Variants in VPS35L observed in about 807,000 individuals in gnomAD.
The protein encoded by VPS35L is VPS35 endosomal protein-sorting factor-like.
VPS35L carries 83 observed loss-of-function variants against 133.0 expected under a neutral mutation model. That is an observed-to-expected ratio of 0.62 (90% confidence interval 0.52 to 0.75). The LOEUF is 0.75. Among genes scored for constraint, VPS35L ranks in the 30% least tolerant of loss-of-function variants. The pLI is 0.00. For missense variants in VPS35L, 1,083 were observed against 1,206.8 expected (o/e 0.90, Z 1.52); for synonymous variants, 423 against 449.9 (o/e 0.94, Z 0.76).
At chr16:19,642,266 C>A in intron 21 of VPS35L, 130 bp from the exon 22 acceptor site, 1 of 694,258 alleles carries the variant, frequency 1.4e-6, no homozygotes. Context: ...TACTGGTAAA[C>A]TGGGCTGGGT....
intron 5 of VPS35L, chr16:19,578,732 T>C: frequency 2.8e-6 from 1 of 353,358 alleles, no homozygotes; most frequent in Non-Finnish European, 5.3e-6. Context: ...AGATGACGGA[T>C]TTTTGGCATC....
chr16:19,675,355 T>C (rs980180180), intron 27 of VPS35L, among the ~76,000 whole-genome samples: 4 of 152,068 alleles, frequency 2.6e-5, no homozygotes, highest in Non-Finnish European at 4.4e-5. Flanking sequence ...ACCTCATTTT[T>C]TGTTAGCAAT....
intron 3 of VPS35L, among the ~76,000 whole-genome samples, chr16:19,572,596 A>G (rs1971416751): frequency 6.6e-6 from 1 of 152,190 alleles, no homozygotes; most frequent in Non-Finnish European, 1.5e-5. Flanking sequence ...GATAGTTGAA[A>G]AAGTGGTCTT....
intron 14 of VPS35L, among the ~76,000 whole-genome samples, chr16:19,622,140 CTTTTTTTTTTTTT>C (rs60521137): frequency 9.3e-6 from 1 of 107,918 alleles, no homozygotes; most frequent in Admixed American, 1.1e-4. Flanking sequence ...CCATGTATAT[CTTTTTTTTTTTTT>C]TTTTTTTTTA....
intron 26 of VPS35L, among the ~76,000 whole-genome samples, chr16:19,654,546 G>GA (rs971730427): frequency 1.9e-3 from 236 of 122,220 alleles, no homozygotes; most frequent in Middle Eastern, 4.3e-3. Context: ...AGACTGTCTT[G>GA]AAAAAAAAAA....
rs79227616 is a variant in VPS35L at position 19,581,138 on chromosome 16, C to T, written c.511-387C>T. 9.2e-5 allele frequency among the ~76,000 whole-genome samples: 14 copies of T among 152,158 alleles called. No homozygotes were observed. The East Asian group carries it at 2.1e-3, about 23-fold the overall frequency. On this transcript the variant is annotated intron_variant, in intron 6 of 30. Transcript: ENST00000417362. ...CTTGAGCAAAAATGTCTTTGTATCTCGATCATCTAGTCCCATGTCCTGCAC... is the reference window on the plus strand; with the variant it reads ...CTTGAGCAAAAATGTCTTTGTATCTTGATCATCTAGTCCCATGTCCTGCAC...
intron 18 of VPS35L, among the ~76,000 whole-genome samples, chr16:19,632,138 T>A (rs1232519636): frequency 6.6e-6 from 1 of 151,822 alleles, no homozygotes; most frequent in African/African-American, 2.4e-5. Flanking sequence ...ATTTTATGTA[T>A]TTTTAGTAGA....
chr16:19,672,063 A>G (rs1266100148), intron 27 of VPS35L, among the ~76,000 whole-genome samples: 1 of 152,146 alleles, frequency 6.6e-6, no homozygotes, highest in Non-Finnish European at 1.5e-5. Context: ...CTCCTGCCTC[A>G]GCCTCCCAAG....
At chr16:19,634,551 A>G (rs1973566606) in intron 19 of VPS35L, among the ~76,000 whole-genome samples, 1 of 152,156 alleles carries the variant, frequency 6.6e-6, no homozygotes, top group South Asian at 2.1e-4. Context: ...ATTATAGCCC[A>G]TTGAGTAAAA....
chr16:19,608,130 G>A, intron 9 of VPS35L, 48 bp from the exon 10 acceptor site: 2 of 1,425,660 alleles, frequency 1.4e-6, no homozygotes, highest in Non-Finnish European at 2.0e-6. Flanking sequence ...GACTCACACA[G>A]ATCCTGAGAT....
intron 26 of VPS35L, among the ~76,000 whole-genome samples, chr16:19,666,911 T>C (rs35343297): frequency 0.018 from 950 of 52,668 alleles, 10 homozygotes; most frequent in African/African-American, 0.1. Flanking sequence ...TTTCTTTCTT[T>C]CTTTCTTTCT....
chr16:19,581,672 C>T lies in VPS35L; in HGVS notation c.639+19C>T. On this transcript the variant is annotated intron_variant, in intron 7 of 30. Coordinates refer to ENST00000417362, the MANE Select transcript of VPS35L (RefSeq NM_020314.7). ...CATCCAGGTTAGCTCTAGTGATCCC[C>T]CACCCCCACCCAGAATTTCCTATGT... The T allele has an allele frequency of 6.2e-7, 1 of 1,605,416 alleles. No homozygotes were observed. The highest frequency in any genetic ancestry group is 8.5e-7 in the Non-Finnish European group (1 of 1,174,076).
chr16:19,557,143 T>C (rs1970886786), intron 1 of VPS35L, among the ~76,000 whole-genome samples: 1 of 151,768 alleles, frequency 6.6e-6, no homozygotes, highest in South Asian at 2.1e-4. Flanking sequence ...AAAATAATAA[T>C]AAAAAATGAA....
intron 28 of VPS35L, among the ~76,000 whole-genome samples, chr16:19,689,430 C>T (rs748648402): frequency 1.3e-5 from 2 of 151,874 alleles, no homozygotes; most frequent in Non-Finnish European, 2.9e-5. Flanking sequence ...ACCACCATGC[C>T]CAGCTGATTT....
rs990400177 is a variant in VPS35L, at chr16:19,700,912, A to G, written c.*436A>G. ...TCCAGACTTTGTACCTTAAAGTTAGAGCACACCCAAAGTCTGGAACTGTGT... is the reference window on the plus strand; with the variant it reads ...TCCAGACTTTGTACCTTAAAGTTAGGGCACACCCAAAGTCTGGAACTGTGT... On this transcript the variant is annotated 3_prime_UTR_variant, in exon 31 of 31. Transcript: ENST00000417362. The G allele has an allele frequency of 1.1e-4, 17 of 161,178 alleles. No individual in the cohort carries two copies. The highest frequency in any genetic ancestry group is 2.0e-4 in the Non-Finnish European group (15 of 73,348). The allele number at this position is 161,178 out of a possible 1,614,324, so 10.0% of individuals were successfully genotyped here. A position where few individuals can be genotyped will look rare whatever the true frequency, so the allele number is the denominator to read the frequency against.
At chr16:19,651,145 G>A (rs1357327422) in intron 25 of VPS35L, among the ~76,000 whole-genome samples, 1 of 152,190 alleles carries the variant, frequency 6.6e-6, no homozygotes, top group Non-Finnish European at 1.5e-5. Flanking sequence ...GCCTCCCAAA[G>A]TGCTGGGATT....
intron 20 of VPS35L, among the ~76,000 whole-genome samples, chr16:19,638,177 T>C (rs1973678866): frequency 6.6e-6 from 1 of 152,220 alleles, no homozygotes; most frequent in Non-Finnish European, 1.5e-5. Flanking sequence ...CCCTGTATAG[T>C]AACATTCTCT....
intron 26 of VPS35L, 196 bp downstream of exon 26, chr16:19,652,286 C>T: frequency 1.9e-6 from 1 of 538,978 alleles, no homozygotes. Context: ...AAGCAGTCCT[C>T]CTGAGTAGCT....
Position 19,555,708 on chromosome 16 carries a change from A to T in VPS35L, c.-22A>T. ...GAAGCCGAGCAGACGGCCCCAGAAC[A>T]AGCGGTCATGTGACTGGGAAGATGG... On this transcript the variant is annotated 5_prime_UTR_variant, in exon 1 of 31. Transcript: ENST00000417362. 3 of 1,607,844 alleles carry T rather than the reference A, an allele frequency of 1.9e-6. No homozygotes were observed. Among genetic ancestry groups the T allele is most frequent in the Non-Finnish European group, 2.5e-6 (3 of 1,177,140 alleles).
Sources: allele counts gnomAD v4.1 joint callset (sites outside exome capture counted in the v4.1 genomes callset), GRCh38; gene constraint gnomAD v4.1.1; transcripts MANE v1.5; gene names NCBI Gene and HGNC (gene_info 2026-07-23, HGNC 2026-07-21).